GABRB3: variants seen among roughly 807,000 people sequenced by gnomAD.
GABRB3 encodes the protein gamma-aminobutyric acid receptor subunit beta-3.
GABRB3 carries 14 observed loss-of-function variants against 52.1 expected under a neutral mutation model. The ratio of observed to expected loss-of-function variants is 0.27; its 90% CI spans 0.18 to 0.42. The LOEUF is 0.42. Ranked by LOEUF, GABRB3 falls within the 10% of genes least tolerant of loss-of-function variation. The pLI is 1.00. For synonymous variants in GABRB3, 260 were observed against 232.3 expected (o/e 1.12, Z -1.08); for missense variants, 307 against 609.1 (o/e 0.50, Z 5.22).
At chr15:26,699,450 A>G (rs1937666032) in intron 3 of GABRB3, among the ~76,000 whole-genome samples, 1 of 152,154 alleles carries the variant, frequency 6.6e-6, no homozygotes, top group Non-Finnish European at 1.5e-5. Context: ...GTAAGGAAGC[A>G]TGAAAATATA....
intron 3 of GABRB3, among the ~76,000 whole-genome samples, chr15:26,739,810 C>T (rs1890156096): frequency 6.6e-6 from 1 of 152,176 alleles, no homozygotes; most frequent in African/African-American, 2.4e-5. Context: ...TTGGACTATC[C>T]ATCGTTTATC....
intron 3 of GABRB3, chr15:26,624,744 CT>C (rs1341887623): frequency 8.1e-6 from 8 of 985,078 alleles, no homozygotes; most frequent in Non-Finnish European, 9.6e-6. Context: ...CAGTGTCCTC[CT>C]TTTTTTCTGG....
intron 6 of GABRB3, among the ~76,000 whole-genome samples, chr15:26,570,210 T>C (rs1890342318): frequency 6.6e-6 from 1 of 152,240 alleles, no homozygotes; most frequent in African/African-American, 2.4e-5. Flanking sequence ...TTGGCAATTA[T>C]TTCAGAGTTT....
At chr15:26,735,252 G>A (rs191938524) in intron 3 of GABRB3, among the ~76,000 whole-genome samples, 10 of 151,954 alleles carry the variant, frequency 6.6e-5, no homozygotes, top group Admixed American at 2.6e-4. Context: ...AGTGTTGATC[G>A]GGATGTGAAG....
At chr15:26,555,378 C>G (rs181029334) in intron 8 of GABRB3, among the ~76,000 whole-genome samples, 127 of 152,162 alleles carry the variant, frequency 8.3e-4, no homozygotes, top group African/African-American at 2.9e-3. Flanking sequence ...CACAAGACAT[C>G]GGGTAAAATG....
At chr15:26,707,147 T>C (rs1426223) in intron 3 of GABRB3, among the ~76,000 whole-genome samples, 109,660 of 152,130 alleles carry the variant, frequency 0.72, 41,380 homozygotes, top group South Asian at 0.87. Context: ...AGAGAAAGTA[T>C]CTTTGGAGGC....
At chr15:26,732,863 T>C (rs1248755359) in intron 3 of GABRB3, among the ~76,000 whole-genome samples, 2 of 151,914 alleles carry the variant, frequency 1.3e-5, no homozygotes, top group African/African-American at 4.8e-5. Context: ...CCGGGAGTGG[T>C]GGTATGTGCC....
intron 3 of GABRB3, among the ~76,000 whole-genome samples, chr15:26,762,692 A>G (rs1261152408): frequency 6.6e-6 from 1 of 152,240 alleles, no homozygotes; most frequent in Admixed American, 6.5e-5. Context: ...AGAAACACTT[A>G]GATTACAGGA....
intron 3 of GABRB3, among the ~76,000 whole-genome samples, chr15:26,686,021 G>A (rs566108728): frequency 5.3e-5 from 8 of 151,956 alleles, no homozygotes; most frequent in African/African-American, 1.2e-4. Flanking sequence ...ATGCTGCTCC[G>A]GCTGGTCTCG....
At chr15:26,611,489 G>C (rs1892069686) in intron 4 of GABRB3, among the ~76,000 whole-genome samples, 1 of 152,126 alleles carries the variant, frequency 6.6e-6, no homozygotes, top group African/African-American at 2.4e-5. Flanking sequence ...CGCCAAAGAA[G>C]ATGTGTACTT....
intron 3 of GABRB3, among the ~76,000 whole-genome samples, chr15:26,628,224 A>G (rs1892780327): frequency 6.6e-6 from 1 of 152,258 alleles, no homozygotes; most frequent in South Asian, 2.1e-4. Flanking sequence ...TCACTTCATG[A>G]TATTTGCTTT....
intron 3 of GABRB3, among the ~76,000 whole-genome samples, chr15:26,751,670 C>T (rs1890512034): frequency 6.6e-6 from 1 of 151,764 alleles, no homozygotes; most frequent in Admixed American, 6.5e-5. Flanking sequence ...TTGGGGGACC[C>T]CTCATAAGGG....
rs1241006487 is a variant in GABRB3 at position 26,570,290 on chromosome 15, T to C, written c.683-2557A>G. Among the ~76,000 whole-genome samples the C allele has an allele frequency of 2.0e-5, 3 of 152,180 alleles. No homozygotes were observed. The East Asian group carries it at 5.8e-4, about 29-fold the overall frequency. ...AAACCGGTTTCTCCAACACCATCAG[T>C]AGAATGAGGCTTCCCTTCATATACA... On this transcript the variant is annotated intron_variant, in intron 6 of 8. Transcript: ENST00000311550.
In GABRB3 at chr15:26,772,875, G is replaced by A; in HGVS notation, c.80+8C>T. ...GCCCGCCGCCCGCCGGCCCACCCGC[G>A]ACCCTACCTCTGGGCGCAGCACACC... On this transcript the variant is annotated splice_region_variant and intron_variant, in intron 1 of 8. Transcript: ENST00000311550. 2.0e-6 allele frequency: 3 copies of A among 1,466,938 alleles called. No homozygotes were observed. Among genetic ancestry groups the A allele is most frequent in the Non-Finnish European group, 2.7e-6 (3 of 1,106,062 alleles). The allele number at this position is 1,466,938 out of a possible 1,614,324, so 90.9% of individuals were successfully genotyped here.
At chr15:26,562,403 G>T (rs1022142873) in intron 7 of GABRB3, among the ~76,000 whole-genome samples, 3 of 152,152 alleles carry the variant, frequency 2.0e-5, no homozygotes, top group African/African-American at 4.8e-5. Flanking sequence ...GCTTTGTCAG[G>T]CTTCCCTGAA....
chr15:26,611,953 C>T (rs1958761465), intron 4 of GABRB3: 1 of 152,170 alleles, frequency 6.6e-6, no homozygotes, highest in Non-Finnish European at 1.5e-5. Context: ...TCCTTTATTT[C>T]ACACTGTACT....
In GABRB3 at chr15:26,587,431, A is replaced by G. The variant is rs371988288; in HGVS notation, c.462-4017T>C. Among the ~76,000 whole-genome samples, 36 of 152,290 alleles carry G rather than the reference A, an allele frequency of 2.4e-4. 1 individual carries two copies. Among genetic ancestry groups the G allele is most frequent in the African/African-American group, 8.7e-4 (36 of 41,552 alleles). ...ACAGCTGGGATAAAAAGGCAAAAAG[A>G]GAGAGAGTAGGGGTGGGGAGCAGAG... On this transcript the variant is annotated intron_variant, in intron 4 of 8. Transcript: ENST00000311550.
intron 3 of GABRB3, among the ~76,000 whole-genome samples, chr15:26,770,021 A>G (rs1036275812): frequency 6.6e-6 from 1 of 152,206 alleles, no homozygotes; most frequent in African/African-American, 2.4e-5. Context: ...CTATGCTTAT[A>G]TATTTTCTGT....
At chr15:26,586,716 G>GAGAA (rs1891007596) in intron 4 of GABRB3, among the ~76,000 whole-genome samples, 1 of 147,484 alleles carries the variant, frequency 6.8e-6, no homozygotes, top group Admixed American at 6.7e-5. Flanking sequence ...GAGAGAGAGA[G>GAGAA]AAAGCGAAGA....
Sources: allele counts gnomAD v4.1 joint callset (sites outside exome capture counted in the v4.1 genomes callset), GRCh38; gene constraint gnomAD v4.1.1; transcripts MANE v1.5; gene names NCBI Gene and HGNC (gene_info 2026-07-23, HGNC 2026-07-21).